The following NHS variants were observed in gnomAD, a reference collection of about 807,000 sequenced individuals.
NHS encodes the protein NHS actin remodeling regulator.
A neutral mutation model predicts 72.5 loss-of-function variants in NHS; 5 were observed. The ratio of observed to expected loss-of-function variants is 0.07; its 90% CI spans 0.04 to 0.14. The LOEUF (loss-of-function observed/expected upper bound fraction) is 0.14. Among genes scored for constraint, NHS ranks in the 10% least tolerant of loss-of-function variants. The probability of loss-of-function intolerance (pLI) is 1.00; values close to 1 mark genes in which losing one functional copy is unlikely to be tolerated. For missense variants in NHS, 1,072 were observed against 1,355.7 expected, an observed-to-expected ratio of 0.79 and a Z score of 3.29; for synonymous variants, 464 against 547.7, an observed-to-expected ratio of 0.85 and a Z score of 2.13.
intron 1 of NHS, among the ~76,000 whole-genome samples, chrX:17,405,129 G>A (rs1164226829): frequency 1.8e-5 from 2 of 111,911 alleles, no homozygotes; most frequent in African/African-American, 3.3e-5. Context: ...TCCTAGGGCT[G>A]TCCTCTCTTT....
chrX:17,654,229 C>T (rs1409827468), intron 1 of NHS, among the ~76,000 whole-genome samples: 1 of 112,052 alleles, frequency 8.9e-6, no homozygotes, highest in African/African-American at 3.3e-5. Flanking sequence ...AATGTCTCTT[C>T]CTCTCTGATG....
chrX:17,516,697 G>A (rs1449779203), intron 1 of NHS, among the ~76,000 whole-genome samples: 1 of 108,675 alleles, frequency 9.2e-6, no homozygotes, highest in African/African-American at 3.4e-5. Flanking sequence ...ATTTGTGCCT[G>A]TGTGATATCT....
chrX:17,376,339 T>C lies in NHS; in HGVS notation c.565+17T>C, dbSNP rs752298498. 238 of 1,136,849 alleles carry C rather than the reference T, an allele frequency of 2.1e-4. No individual in the cohort carries two copies. The highest frequency in any genetic ancestry group is 3.0e-4 in the Middle Eastern group (1 of 3,290). 93.7% of individuals were successfully genotyped at this position (1,136,849 alleles called of 1,213,427 possible). The stretch of plus-strand genomic sequence containing the variant: ...AGGCAGTGCGTGAGTACCCGCGCCG[T>C]CCGCCCGCCAGGCTATGGGTTTCTG... On this transcript the variant is annotated intron_variant, in intron 1 of 8. Transcript: ENST00000676302.
intron 1 of NHS, among the ~76,000 whole-genome samples, chrX:17,675,766 T>C (rs1387661418): frequency 8.9e-6 from 1 of 112,320 alleles, no homozygotes; most frequent in Non-Finnish European, 1.9e-5. Flanking sequence ...ACATAACTCA[T>C]TACAAATACC....
At chrX:17,700,083 A>G (rs1236439506) in intron 3 of NHS, among the ~76,000 whole-genome samples, 1 of 111,620 alleles carries the variant, frequency 9.0e-6, no homozygotes, top group East Asian at 2.8e-4. Context: ...AAAGATGTGA[A>G]CAGACAATTC....
At chrX:17,515,527 C>T (rs1242578351) in intron 1 of NHS, among the ~76,000 whole-genome samples, 1 of 112,259 alleles carries the variant, frequency 8.9e-6, no homozygotes, top group Non-Finnish European at 1.9e-5. Context: ...TGAGATTTTA[C>T]AAGTTCATGT....
intron 1 of NHS, among the ~76,000 whole-genome samples, chrX:17,558,060 G>A (rs762687535): frequency 3.2e-4 from 36 of 112,454 alleles, no homozygotes; most frequent in African/African-American, 1.1e-3. Context: ...CGACACTCAA[G>A]TGGAGGGATT....
intron 1 of NHS, among the ~76,000 whole-genome samples, chrX:17,525,638 C>CTTTTTTTTTTTTTTTTTT (rs1162709869): frequency 9.4e-5 from 5 of 53,032 alleles, no homozygotes; most frequent in African/African-American, 2.3e-4. Context: ...TCTTTCTTTT[C>CTTTTTTTTTTTTTTTTTT]TTTTTTTTTT....
intron 2 of NHS, among the ~76,000 whole-genome samples, chrX:17,691,530 G>A (rs1448980748): frequency 5.4e-5 from 6 of 111,427 alleles, no homozygotes; most frequent in Non-Finnish European, 9.4e-5. Context: ...CAGACACTAC[G>A]TTCAGGCAGC....
At chrX:17,477,348 T>C (rs757006108) in intron 1 of NHS, among the ~76,000 whole-genome samples, 8 of 111,176 alleles carry the variant, frequency 7.2e-5, no homozygotes, top group Non-Finnish European at 1.9e-5. Context: ...GAGGCTGGGG[T>C]GTGTGCCTGT....
At chrX:17,649,694 C>T (rs1188494210) in intron 1 of NHS, among the ~76,000 whole-genome samples, 1 of 111,544 alleles carries the variant, frequency 9.0e-6, no homozygotes, top group Non-Finnish European at 1.9e-5. Context: ...GTAGTTTATG[C>T]CAGATGGTTT....
chrX:17,717,816 T>G (rs1209530151), intron 3 of NHS, among the ~76,000 whole-genome samples: 1 of 111,633 alleles, frequency 9.0e-6, no homozygotes, highest in African/African-American at 3.3e-5. Context: ...AGAAGTAAAT[T>G]TTGAGCAGTC....
At chrX:17,514,683 G>A (rs1188167101) in intron 1 of NHS, among the ~76,000 whole-genome samples, 5 of 111,691 alleles carry the variant, frequency 4.5e-5, no homozygotes, top group Non-Finnish European at 9.4e-5. Context: ...TTTAGAGAAC[G>A]TTGACTAATA....
chrX:17,392,837 C>T (rs965934950), intron 1 of NHS, among the ~76,000 whole-genome samples: 2 of 112,112 alleles, frequency 1.8e-5, no homozygotes, highest in South Asian at 7.5e-4. Flanking sequence ...CATTTTCAGC[C>T]CTCTAGAAAT....
chrX:17,571,216 G>C (rs2065476281), intron 1 of NHS, among the ~76,000 whole-genome samples: 1 of 111,886 alleles, frequency 8.9e-6, no homozygotes, highest in South Asian at 3.7e-4. Flanking sequence ...CTCTTTTTCT[G>C]TTGTTTGGAA....
At position 17,409,752 on chromosome X, in the gene NHS, G is replaced by T. The variant is rs188044433; in HGVS notation, c.565+33430G>T. On this transcript the variant is annotated intron_variant, in intron 1 of 8. Transcript: ENST00000676302. The stretch of plus-strand genomic sequence containing the variant: ...ATACCACTTTTGCTCATCCTTCATT[G>T]GCTAAAGCAAGTCACATGGCCACAT... 2.2e-4 allele frequency among the ~76,000 whole-genome samples: 25 copies of T among 111,324 alleles called. No individual in the cohort carries two copies. In the East Asian group the frequency reaches 6.8e-3, roughly 30 times the overall value.
intron 1 of NHS, chrX:17,587,278 G>A (rs896448389): frequency 2.7e-5 from 3 of 112,129 alleles, no homozygotes; most frequent in Admixed American, 1.9e-4. Context: ...TAAAAACCAC[G>A]TAACACCACC....
intron 1 of NHS, among the ~76,000 whole-genome samples, chrX:17,518,417 C>A (rs896771276): frequency 7.2e-5 from 8 of 111,715 alleles, no homozygotes; most frequent in African/African-American, 2.6e-4. Context: ...AAGGAGTGAA[C>A]GCATGGCCAC....
At chrX:17,381,653 T>A (rs1003554198) in intron 1 of NHS, among the ~76,000 whole-genome samples, 3 of 112,894 alleles carry the variant, frequency 2.7e-5, no homozygotes, top group Admixed American at 1.9e-4. Flanking sequence ...TGAATAAAAT[T>A]CCATTGTGTG....
Sources: gnomAD v4.1 joint callset for allele counts (sites outside exome capture counted in the v4.1 genomes callset) on GRCh38, gnomAD v4.1.1 for gene constraint, MANE v1.5 for transcripts, NCBI Gene and HGNC (gene_info 2026-07-23, HGNC 2026-07-21) for gene names.